CRISPLD2: variants seen among roughly 807,000 people sequenced by gnomAD.
CRISPLD2 encodes the protein cysteine rich secretory protein LCCL domain containing 2, also known as cysteine-rich secretory protein LCCL domain-containing 2.
In CRISPLD2, 47 loss-of-function variants were observed where a neutral mutation model predicts 71.1. That is an observed-to-expected ratio of 0.66 (90% CI 0.52 to 0.84). The LOEUF (loss-of-function observed/expected upper bound fraction) is 0.84. Ranked by LOEUF, CRISPLD2 falls within the 40% of genes least tolerant of loss-of-function variation. CRISPLD2 has a pLI of 0.00. For missense variants in CRISPLD2, 830 were observed against 651.1 expected (o/e 1.27, Z -2.99); for synonymous variants, 317 against 250.1 (o/e 1.27, Z -2.52).
chr16:84,872,632 T>A, intron 9 of CRISPLD2, 124 bp downstream of exon 9: 1 of 864,338 alleles, frequency 1.2e-6, no homozygotes, highest in African/African-American at 1.7e-5. Context: ...CTGGCATTTC[T>A]AGAACTGGGG....
chr16:84,838,995 C>G (rs1231249012), intron 2 of CRISPLD2: 5 of 592,986 alleles, frequency 8.4e-6, no homozygotes, highest in Admixed American at 4.4e-5. Flanking sequence ...GTTAAGCGAT[C>G]CTGCTTCAGC....
intron 13 of CRISPLD2, among the ~76,000 whole-genome samples, chr16:84,881,532 T>G (rs890615183): frequency 2.0e-5 from 3 of 152,330 alleles, no homozygotes; most frequent in East Asian, 3.9e-4. Flanking sequence ...TCAAGCTGTT[T>G]CCTTGTGGCG....
rs1415125345 is a variant in CRISPLD2 at position 84,877,500 on chromosome 16, C to G, written c.1219C>G (p.His407Asp). 6.2e-7 allele frequency: 1 copy of G among 1,613,794 alleles called. No homozygotes were observed. Among genetic ancestry groups the G allele is most frequent in the African/African-American group, 1.3e-5 (1 of 74,914 alleles). The part of the protein sequence containing the change: ...QLCPFEKPAT[H>D]CPRIHCPAHC... The stretch of plus-strand genomic sequence containing the variant: ...GTGCCCGTTTGAAAAGCCAGCAACT[C>G]ACTGCCCAAGGTAAGGCGGGCCTGA... Residue 407 changes from histidine (H) to aspartate (D), a missense_variant, in exon 12 of 15, where the codon CAC becomes GAC. Coordinates refer to ENST00000262424, the MANE Select transcript of CRISPLD2 (RefSeq NM_031476.4).
intron 1 of CRISPLD2, among the ~76,000 whole-genome samples, chr16:84,827,313 G>A (rs1916377044): frequency 6.6e-6 from 1 of 152,002 alleles, no homozygotes; most frequent in Non-Finnish European, 1.5e-5. Context: ...AGGCTTTTGC[G>A]ACACAAACCA....
At chr16:84,892,975 C>CAAAA (rs35939092) in intron 14 of CRISPLD2, among the ~76,000 whole-genome samples, 4 of 64,938 alleles carry the variant, frequency 6.2e-5, no homozygotes, top group South Asian at 5.3e-4. Context: ...GACTCCATCT[C>CAAAA]AAAAAAAAAA....
chr16:84,870,703 T>C (rs76288102), intron 8 of CRISPLD2, among the ~76,000 whole-genome samples: 26,013 of 152,246 alleles, frequency 0.17, 2,560 homozygotes, highest in Admixed American at 0.26. Flanking sequence ...CACACGACTG[T>C]ACATGAATGT....
At chr16:84,860,219 G>T (rs1917344073) in intron 6 of CRISPLD2, among the ~76,000 whole-genome samples, 1 of 152,246 alleles carries the variant, frequency 6.6e-6, no homozygotes, top group Non-Finnish European at 1.5e-5. Flanking sequence ...AACTCCCTGA[G>T]CTGCAACATT....
chr16:84,830,674 G>A (rs1374363221), intron 1 of CRISPLD2, among the ~76,000 whole-genome samples: 1 of 151,478 alleles, frequency 6.6e-6, no homozygotes, highest in Non-Finnish European at 1.5e-5. Flanking sequence ...TTGCACTCTA[G>A]CCTCAGCCTG....
At chr16:84,904,319 T>G (rs891914055) in intron 14 of CRISPLD2, among the ~76,000 whole-genome samples, 1 of 148,066 alleles carries the variant, frequency 6.8e-6, no homozygotes, top group Non-Finnish European at 1.5e-5. Flanking sequence ...GTACGGTGGC[T>G]TACGCCTGAA....
At chr16:84,867,212 T>C (rs1917566654) in intron 7 of CRISPLD2, among the ~76,000 whole-genome samples, 172 bp downstream of exon 7, 1 of 152,214 alleles carries the variant, frequency 6.6e-6, no homozygotes, top group African/African-American at 2.4e-5. Flanking sequence ...TCAAAAACGA[T>C]ATTTTTAAGT....
At chr16:84,845,749 C>T in intron 2 of CRISPLD2, 37 bp from the exon 3 acceptor site, 2 of 1,432,312 alleles carry the variant, frequency 1.4e-6, no homozygotes, top group Non-Finnish European at 2.0e-6. Flanking sequence ...CCTCCCTCAC[C>T]CTCACCTCCT....
chr16:84,823,847 C>G (rs1200093804), intron 1 of CRISPLD2, among the ~76,000 whole-genome samples: 1 of 152,212 alleles, frequency 6.6e-6, no homozygotes, highest in Non-Finnish European at 1.5e-5. Context: ...TGAAATCCCA[C>G]ATTTTCAATC....
Position 84,873,027 on chromosome 16 carries a change from G to C in CRISPLD2, c.1017G>C (p.Gly339=). 6.2e-7 allele frequency: 1 copy of C among 1,613,916 alleles called. No individual in the cohort carries two copies. The highest frequency in any genetic ancestry group is 8.5e-7 in the Non-Finnish European group (1 of 1,179,930). The change falls in exon 10 of 15, where the codon GGG becomes GGC. Residue 339 remains glycine, a synonymous_variant. Coordinates refer to ENST00000262424, the MANE Select transcript of CRISPLD2 (RefSeq NM_031476.4). The part of the protein sequence containing the change: ...SSICRAAIHY[G]ILDDKGGLVD... ...TATGCCGCGCCGCCATCCACTACGG[G>C]ATCCTGGATGACAAGGGAGGCCTGG... is the stretch of plus-strand genomic sequence containing the variant.
intron 12 of CRISPLD2, among the ~76,000 whole-genome samples, chr16:84,880,086 C>T (rs1429395079): frequency 6.6e-6 from 1 of 152,154 alleles, no homozygotes; most frequent in Non-Finnish European, 1.5e-5. Context: ...GGTGAGGGCC[C>T]TCCACCCTTT....
intron 2 of CRISPLD2, among the ~76,000 whole-genome samples, chr16:84,844,817 G>A (rs547298526): frequency 1.3e-5 from 2 of 152,124 alleles, no homozygotes; most frequent in Admixed American, 6.5e-5. Context: ...TGTCGCTGAC[G>A]TGGATAAAGC....
intron 3 of CRISPLD2, among the ~76,000 whole-genome samples, chr16:84,848,612 T>C (rs1916982203): frequency 6.6e-6 from 1 of 152,142 alleles, no homozygotes; most frequent in South Asian, 2.1e-4. Flanking sequence ...GGCTAATTTT[T>C]GTATTTTTAG....
intron 13 of CRISPLD2, among the ~76,000 whole-genome samples, chr16:84,887,139 C>A (rs2071620402): frequency 6.6e-6 from 1 of 152,190 alleles, no homozygotes; most frequent in African/African-American, 2.4e-5. Flanking sequence ...CATCTTCTCC[C>A]CGATGACCCC....
rs1029929114 is a variant in CRISPLD2 at position 84,865,972 on chromosome 16, T to A, written c.710-925T>A. Among the ~76,000 whole-genome samples, 40 of 152,216 alleles carry A rather than the reference T, an allele frequency of 2.6e-4. 1 individual carries two copies. Among genetic ancestry groups the A allele is most frequent in the African/African-American group, 9.4e-4 (39 of 41,448 alleles). On this transcript the variant is annotated intron_variant, in intron 6 of 14. Coordinates refer to ENST00000262424, the MANE Select transcript of CRISPLD2 (RefSeq NM_031476.4). ...CGGATAGTTGGATAGTTCTACATGTTGAGTCTGACATTATTGGACAGTAAA... is the reference window on the plus strand; with the variant it reads ...CGGATAGTTGGATAGTTCTACATGTAGAGTCTGACATTATTGGACAGTAAA...
chr16:84,878,148 C>T (rs567747453), intron 12 of CRISPLD2, among the ~76,000 whole-genome samples: 2 of 151,980 alleles, frequency 1.3e-5, no homozygotes, highest in Admixed American at 6.5e-5. Flanking sequence ...GGCGTGAACC[C>T]AGGAGGTGGA....
Sources: allele counts gnomAD v4.1 joint callset (sites outside exome capture counted in the v4.1 genomes callset), GRCh38; gene constraint gnomAD v4.1.1; transcripts MANE v1.5; gene names NCBI Gene and HGNC (gene_info 2026-07-23, HGNC 2026-07-21).